Variants in RILPL2 observed in about 807,000 individuals in gnomAD.
RILPL2 encodes the protein RILP-like protein 2.
In RILPL2, 19 loss-of-function variants were observed where a neutral mutation model predicts 22.2. The ratio of observed to expected loss-of-function variants is 0.86; its 90% CI spans 0.60 to 1.25. The LOEUF (loss-of-function observed/expected upper bound fraction) is 1.25, where lower values mean the gene tolerates loss of function less well. Ranked by LOEUF, RILPL2 falls within the 50% of genes most tolerant of loss-of-function variation. The pLI is 0.00. For missense variants in RILPL2, 243 were observed against 263.6 expected, an observed-to-expected ratio of 0.92 and a Z score of 0.54; for synonymous variants, 123 against 111.6, an observed-to-expected ratio of 1.10 and a Z score of -0.64.
intron 3 of RILPL2, among the ~76,000 whole-genome samples, chr12:123,417,298 C>CAA (rs71737939): frequency 2.1e-4 from 27 of 127,156 alleles, no homozygotes; most frequent in Non-Finnish European, 3.2e-4. Flanking sequence ...GACCCCATCT[C>CAA]AAAAAAAAAA....
At chr12:123,429,015 C>T (rs1475331042) in intron 2 of RILPL2, among the ~76,000 whole-genome samples, 1 of 152,090 alleles carries the variant, frequency 6.6e-6, no homozygotes, top group Non-Finnish European at 1.5e-5. Flanking sequence ...TAAAGGAAAA[C>T]ATTTTGGGAA....
chr12:123,429,668 G>A (rs561808995), intron 2 of RILPL2, among the ~76,000 whole-genome samples: 2 of 150,058 alleles, frequency 1.3e-5, no homozygotes, highest in South Asian at 2.1e-4. Flanking sequence ...GTGCAGAGGC[G>A]TGATCTCGGC....
rs780165093 is a variant in RILPL2, at chr12:123,436,036, C to T, written c.339+46G>A. The T allele has an allele frequency of 1.3e-6, 2 of 1,540,044 alleles. No homozygotes were observed. The highest frequency in any genetic ancestry group is 1.2e-5 in the South Asian group (1 of 84,122). ...CTCCCTGCCAGTAGGTGCCCTCCTA[C>T]GCCCCGCAGGCGCCGTGGGCCCGGA... On this transcript the variant is annotated intron_variant, in intron 1 of 3. Transcript: ENST00000280571. The surrounding 1 kb of genome is among the most constrained non-coding windows in gnomAD (Gnocchi z 6.7).
At chr12:123,411,864 G>C (rs1488002725), downstream of RILPL2, 1 of 152,096 alleles carries the variant, frequency 6.6e-6, no homozygotes, top group African/African-American at 2.4e-5. Flanking sequence ...GTCTAGGTTT[G>C]TAGTTGGAAT....
At chr12:123,412,570 T>C (rs1166243035), downstream of RILPL2, 1 of 152,198 alleles carries the variant, frequency 6.6e-6, no homozygotes, top group Non-Finnish European at 1.5e-5. Context: ...TTGAAGCCTG[T>C]GTGTGGACTT....
intron 3 of RILPL2, among the ~76,000 whole-genome samples, chr12:123,418,586 C>T (rs1214461797): frequency 6.6e-6 from 1 of 152,006 alleles, no homozygotes; most frequent in Non-Finnish European, 1.5e-5. Flanking sequence ...GGCAGACCCT[C>T]AGTAAATATT....
At chr12:123,418,371 C>G (rs1408661976) in intron 3 of RILPL2, among the ~76,000 whole-genome samples, 1 of 152,138 alleles carries the variant, frequency 6.6e-6, no homozygotes, top group Non-Finnish European at 1.5e-5. Context: ...AAAGATAACC[C>G]AAATCTAAAG....
Position 123,424,767 on chromosome 12 carries a change from A to G in RILPL2, c.492-1610T>C, listed in dbSNP as rs1257523191. Among the ~76,000 whole-genome samples, 4 of 152,144 alleles carry G rather than the reference A, an allele frequency of 2.6e-5. 1 individual carries two copies. In the East Asian group the frequency reaches 7.7e-4, roughly 29 times the overall value. Reference sequence around the variant, plus strand: ...CGGCACAGTACAACTCATTACATCCACTTAAGCGTTTTGTTGCAGTGCCCA... The same window carrying G: ...CGGCACAGTACAACTCATTACATCCGCTTAAGCGTTTTGTTGCAGTGCCCA... On this transcript the variant is annotated intron_variant, in intron 2 of 3. Coordinates refer to ENST00000280571, the MANE Select transcript of RILPL2 (RefSeq NM_145058.3).
At chr12:123,413,164 C>A (rs1005841910), downstream of RILPL2, 2 of 155,962 alleles carry the variant, frequency 1.3e-5, no homozygotes, top group Non-Finnish European at 2.8e-5. Flanking sequence ...CCACTGCACT[C>A]CAGCCTGGGC....
Position 123,430,322 on chromosome 12 carries a change from T to G in RILPL2, c.491+186A>C, listed in dbSNP as rs191427562. On this transcript the variant is annotated intron_variant, in intron 2 of 3. Transcript: ENST00000280571. ...TACTCGGGAGGCTGAGGCAGGAGAA[T>G]GGCGTGAACCCGGGAGGCAGAGGTT... Among the ~76,000 whole-genome samples the G allele has an allele frequency of 4.7e-3, 721 of 151,864 alleles. 8 individuals are homozygous for G. Among genetic ancestry groups the G allele is most frequent in the African/African-American group, 0.016 (667 of 41,440 alleles).
At chr12:123,431,640 G>A (rs964627290) in intron 1 of RILPL2, among the ~76,000 whole-genome samples, 8 of 151,908 alleles carry the variant, frequency 5.3e-5, no homozygotes, top group African/African-American at 1.2e-4. Context: ...TGGCTAACGC[G>A]GTGAAACCCC....
chr12:123,430,258 A>C (rs1023858644), intron 2 of RILPL2, among the ~76,000 whole-genome samples: 19 of 151,522 alleles, frequency 1.3e-4, no homozygotes, highest in Non-Finnish European at 7.4e-5. Flanking sequence ...AAATACAAAA[A>C]ATTAGCCAGG....
At chr12:123,423,764 T>C (rs546041598) in intron 2 of RILPL2, among the ~76,000 whole-genome samples, 1 of 151,452 alleles carries the variant, frequency 6.6e-6, no homozygotes, top group Non-Finnish European at 1.5e-5. Flanking sequence ...CGCCATTCTC[T>C]TGCCTCAGCC....
chr12:123,427,083 G>C (rs911385489), intron 2 of RILPL2, among the ~76,000 whole-genome samples: 9 of 151,996 alleles, frequency 5.9e-5, no homozygotes, highest in Non-Finnish European at 1.2e-4. Context: ...CAGGCACTGA[G>C]ACTATAGGTG....
intron 1 of RILPL2, among the ~76,000 whole-genome samples, chr12:123,431,411 G>A (rs916075501): frequency 1.3e-5 from 2 of 151,958 alleles, no homozygotes; most frequent in Non-Finnish European, 2.9e-5. Flanking sequence ...GGAAGGAGAC[G>A]TTGTTACTTA....
chr12:123,423,798 C>T (rs955180079), intron 2 of RILPL2, among the ~76,000 whole-genome samples: 9 of 151,932 alleles, frequency 5.9e-5, no homozygotes, highest in Admixed American at 3.3e-4. Context: ...GGACTATAGG[C>T]GCCCGCCACC....
chr12:123,433,672 A>T (rs1879713148), intron 1 of RILPL2, among the ~76,000 whole-genome samples: 1 of 152,064 alleles, frequency 6.6e-6, no homozygotes, highest in Non-Finnish European at 1.5e-5. Flanking sequence ...TCGACCTCCC[A>T]AAGTGTTGGG....
At chr12:123,427,930 T>A (rs1261930618) in intron 2 of RILPL2, among the ~76,000 whole-genome samples, 2 of 152,208 alleles carry the variant, frequency 1.3e-5, no homozygotes, top group Non-Finnish European at 2.9e-5. Context: ...TCAGCTGGCA[T>A]GCTGGCTTCT....
chr12:123,414,923 A>T (rs1378192435), downstream of RILPL2: 1 of 98,300 alleles, frequency 1.0e-5, no homozygotes, highest in Non-Finnish European at 2.0e-5. Flanking sequence ...AGAGCGAGAG[A>T]CTCCGTCTCA....
Sources: gnomAD v4.1 joint callset for allele counts (sites outside exome capture counted in the v4.1 genomes callset) on GRCh38, gnomAD v4.1.1 for gene constraint, Gnocchi (gnomAD v3.1) non-coding constraint, MANE v1.5 for transcripts, NCBI Gene and HGNC (gene_info 2026-07-23, HGNC 2026-07-21) for gene names.